STAG1: variants seen among roughly 807,000 people sequenced by gnomAD.
STAG1 encodes cohesin subunit SA-1.
A neutral mutation model predicts 170.9 loss-of-function variants in STAG1; 26 were observed. The ratio of observed to expected loss-of-function variants is 0.15; its 90% CI spans 0.11 to 0.21. STAG1 has a LOEUF of 0.21. Among genes scored for constraint, STAG1 ranks in the 10% least tolerant of loss-of-function variants. The pLI, the probability that STAG1 is intolerant of heterozygous loss-of-function variation, is 1.00. For missense variants in STAG1, 964 were observed against 1,509.5 expected, an observed-to-expected ratio of 0.64 and a Z score of 5.99; for synonymous variants, 514 against 497.7, an observed-to-expected ratio of 1.03 and a Z score of -0.44.
chr3:136,497,193 C>T (rs915403791), intron 9 of STAG1, among the ~76,000 whole-genome samples: 1 of 151,690 alleles, frequency 6.6e-6, no homozygotes, highest in African/African-American at 2.4e-5. Flanking sequence ...TCAAACTCAC[C>T]GAGAAAATTA....
Position 136,413,199 on chromosome 3 carries a change from AAC to A in STAG1, c.2196+4684_2196+4685del, listed in dbSNP as rs531842246. ...TTTATATATGCATATTAACATGTGTAACACACACATTATATATTATATATAAT... is the reference window on the plus strand; with the variant it reads ...TTTATATATGCATATTAACATGTGTAACACACATTATATATTATATATAAT... On this transcript the variant is annotated intron_variant, in intron 21 of 33. Transcript: ENST00000383202. Among the ~76,000 whole-genome samples, 61 of 148,298 alleles carry A rather than the reference AAC, an allele frequency of 4.1e-4. No homozygotes were observed. The East Asian group carries it at 0.011, about 26-fold the overall frequency.
At chr3:136,373,340 C>CT (rs1288599677) in intron 23 of STAG1, among the ~76,000 whole-genome samples, 1 of 152,074 alleles carries the variant, frequency 6.6e-6, no homozygotes, top group Non-Finnish European at 1.5e-5. Context: ...TTTTGTGTCT[C>CT]TATTTCCTTC....
chr3:136,660,005 C>G (rs1941523880), intron 1 of STAG1, among the ~76,000 whole-genome samples: 1 of 152,082 alleles, frequency 6.6e-6, no homozygotes, highest in Non-Finnish European at 1.5e-5. Context: ...AAAGCAAAAC[C>G]CCATCTCTAT....
At chr3:136,446,366 T>C (rs528127687) in intron 14 of STAG1, among the ~76,000 whole-genome samples, 3 of 152,288 alleles carry the variant, frequency 2.0e-5, no homozygotes, top group African/African-American at 7.2e-5. Flanking sequence ...TAGAGTCTAT[T>C]AGGCAGTAAT....
chr3:136,457,631 G>A (rs917945720), intron 13 of STAG1, among the ~76,000 whole-genome samples: 1 of 151,902 alleles, frequency 6.6e-6, no homozygotes, highest in Non-Finnish European at 1.5e-5. Flanking sequence ...TAGCCCCCAC[G>A]GCCTGCTGTT....
At chr3:136,503,960 C>T (rs1398130155) in intron 7 of STAG1, among the ~76,000 whole-genome samples, 1 of 152,136 alleles carries the variant, frequency 6.6e-6, no homozygotes, top group Non-Finnish European at 1.5e-5. Context: ...GGGTTTTGAA[C>T]TCCCGATCTC....
chr3:136,613,313 CAAAAAAA>C (rs60449608), intron 3 of STAG1, among the ~76,000 whole-genome samples: 97 of 59,768 alleles, frequency 1.6e-3, no homozygotes, highest in South Asian at 6.4e-3. Flanking sequence ...GACTCCGTCT[CAAAAAAA>C]AAAAAAAAAA....
At chr3:136,581,129 G>A (rs1335840584) in intron 4 of STAG1, among the ~76,000 whole-genome samples, 5 of 152,070 alleles carry the variant, frequency 3.3e-5, no homozygotes. Context: ...GGGATTATAG[G>A]TATGTGCCAG....
chr3:136,540,323 CAA>C (rs34451527), intron 6 of STAG1, among the ~76,000 whole-genome samples: 4 of 123,574 alleles, frequency 3.2e-5, no homozygotes, highest in Admixed American at 2.4e-4. Context: ...TACTATCAAA[CAA>C]AAAAAAAAAA....
At chr3:136,495,357 A>G (rs1933022245) in intron 9 of STAG1, among the ~76,000 whole-genome samples, 1 of 152,226 alleles carries the variant, frequency 6.6e-6, no homozygotes, top group Non-Finnish European at 1.5e-5. Context: ...CTTCGAAAAT[A>G]AAACACAGAA....
At chr3:136,613,945 T>C (rs569355086) in intron 3 of STAG1, among the ~76,000 whole-genome samples, 1 of 152,208 alleles carries the variant, frequency 6.6e-6, no homozygotes, top group African/African-American at 2.4e-5. Context: ...CTGGGCGTCG[T>C]GGCTCATGCC....
chr3:136,530,728 C>T (rs1187200529), intron 6 of STAG1, among the ~76,000 whole-genome samples: 1 of 151,994 alleles, frequency 6.6e-6, no homozygotes, highest in Admixed American at 6.6e-5. Context: ...AAAGTGGAAA[C>T]ACAACATACC....
At chr3:136,362,329 C>T (rs1286382022) in intron 26 of STAG1, among the ~76,000 whole-genome samples, 1 of 152,104 alleles carries the variant, frequency 6.6e-6, no homozygotes, top group Non-Finnish European at 1.5e-5. Flanking sequence ...ATATCCCTCG[C>T]TCACTTTTCT....
intron 1 of STAG1, among the ~76,000 whole-genome samples, chr3:136,642,154 T>A (rs1940826856): frequency 6.6e-6 from 1 of 151,478 alleles, no homozygotes; most frequent in Admixed American, 6.6e-5. Flanking sequence ...CTCTTGAAGA[T>A]CAAAAATTAT....
At chr3:136,732,237 TAAAAAAAAAA>T (rs71134406) in intron 1 of STAG1, among the ~76,000 whole-genome samples, 1 of 85,758 alleles carries the variant, frequency 1.2e-5, no homozygotes, top group African/African-American at 4.2e-5. Context: ...TATCCACAAC[TAAAAAAAAAA>T]AAAAAAAAAA....
chr3:136,347,152 T>C (rs1476143117), intron 29 of STAG1, among the ~76,000 whole-genome samples: 1 of 150,842 alleles, frequency 6.6e-6, no homozygotes, highest in African/African-American at 2.4e-5. Flanking sequence ...CCCAGCACTT[T>C]GAGAAGCCAA....
chr3:136,541,580 A>ACC (rs1227392348), intron 6 of STAG1, among the ~76,000 whole-genome samples: 4 of 150,670 alleles, frequency 2.7e-5, no homozygotes, highest in African/African-American at 9.8e-5. Context: ...ACACACACAC[A>ACC]CACACCAGGG....
At chr3:136,670,981 T>A (rs1428250504) in intron 1 of STAG1, among the ~76,000 whole-genome samples, 1 of 152,116 alleles carries the variant, frequency 6.6e-6, no homozygotes, top group Non-Finnish European at 1.5e-5. Flanking sequence ...TAATGAGATT[T>A]TCTCTTTAAA....
chr3:136,518,470 T>C (rs1231501444), intron 7 of STAG1: 4 of 681,210 alleles, frequency 5.9e-6, no homozygotes, highest in Non-Finnish European at 1.1e-5. Context: ...ACATATACCA[T>C]TAAAAATAAG....
Sources: allele counts gnomAD v4.1 joint callset (sites outside exome capture counted in the v4.1 genomes callset), GRCh38; gene constraint gnomAD v4.1.1; transcripts MANE v1.5; gene names NCBI Gene and HGNC (gene_info 2026-07-23, HGNC 2026-07-21).